Variants in PRSS3 observed in about 807,000 individuals in gnomAD.
The protein encoded by PRSS3 is serine protease 3, also known as trypsin-3.
A neutral mutation model predicts 20.8 loss-of-function variants in PRSS3; 14 were observed. The observed-to-expected ratio is 0.67, with a 90% CI of 0.44 to 1.05. The LOEUF is 1.05. Ranked by LOEUF, PRSS3 falls within the 50% of genes least tolerant of loss-of-function variation. The probability of loss-of-function intolerance (pLI) is 0.00; values close to 1 mark genes in which losing one functional copy is unlikely to be tolerated. For synonymous variants in PRSS3, 91 were observed against 117.6 expected (o/e 0.77, Z 1.46); for missense variants, 237 against 306.4 (o/e 0.77, Z 1.69).
intron 1 of PRSS3, among the ~76,000 whole-genome samples, chr9:33,773,675 A>T (rs1823799360): frequency 6.6e-6 from 1 of 152,256 alleles, no homozygotes; most frequent in South Asian, 2.1e-4. Flanking sequence ...TCTGTCACCC[A>T]GCGGTGGAGT....
intron 1 of PRSS3, among the ~76,000 whole-genome samples, chr9:33,754,724 A>C (rs149742765): frequency 5.1e-4 from 78 of 152,208 alleles, no homozygotes; most frequent in African/African-American, 1.5e-3. Flanking sequence ...CCAGCTACTC[A>C]GGAGGCTGAG....
At chr9:33,778,557 A>C (rs1824040459) in intron 1 of PRSS3, among the ~76,000 whole-genome samples, 1 of 152,208 alleles carries the variant, frequency 6.6e-6, no homozygotes, top group South Asian at 2.1e-4. Flanking sequence ...ACAATTGGAT[A>C]ATTCAATTTT....
intron 1 of PRSS3, among the ~76,000 whole-genome samples, chr9:33,781,097 T>C (rs1258590499): frequency 6.6e-6 from 1 of 152,234 alleles, no homozygotes. Flanking sequence ...GGTGGAAATG[T>C]AAATTAGTTC....
chr9:33,768,434 A>G (rs1823541440), intron 1 of PRSS3, among the ~76,000 whole-genome samples: 1 of 151,162 alleles, frequency 6.6e-6, no homozygotes, highest in Admixed American at 6.6e-5. Flanking sequence ...GAGCTGAGAT[A>G]GCACCACCGC....
At chr9:33,776,397 C>T (rs569563342) in intron 1 of PRSS3, among the ~76,000 whole-genome samples, 1 of 152,086 alleles carries the variant, frequency 6.6e-6, no homozygotes, top group African/African-American at 2.4e-5. Flanking sequence ...TTAAAAAAAG[C>T]TCAACCAACA....
At chr9:33,753,004 G>A (rs745770161) in intron 1 of PRSS3, among the ~76,000 whole-genome samples, 3 of 152,196 alleles carry the variant, frequency 2.0e-5, no homozygotes, top group Non-Finnish European at 2.9e-5. Context: ...ATTAGAATCC[G>A]TATTTCAAAA....
chr9:33,786,705 CAT>C, intron 1 of PRSS3: 3 of 766,254 alleles, frequency 3.9e-6, no homozygotes, highest in Non-Finnish European at 4.8e-6. Flanking sequence ...TCTGAGGCCA[CAT>C]ATGAGAGCAG....
intron 1 of PRSS3, among the ~76,000 whole-genome samples, chr9:33,751,209 G>C (rs1033044724): frequency 2.0e-5 from 3 of 152,216 alleles, no homozygotes; most frequent in Admixed American, 2.0e-4. Flanking sequence ...AGCTCACATA[G>C]CTCTGGGCAC....
At chr9:33,765,038 C>T (rs1240207607) in intron 1 of PRSS3, among the ~76,000 whole-genome samples, 2 of 152,170 alleles carry the variant, frequency 1.3e-5, no homozygotes, top group Admixed American at 1.3e-4. Flanking sequence ...TAATACATTG[C>T]TGGTGGGATT....
upstream of PRSS3, among the ~76,000 whole-genome samples, chr9:33,792,354 G>T (rs1196566069): frequency 2.0e-5 from 3 of 152,056 alleles, no homozygotes; most frequent in African/African-American, 4.8e-5. Flanking sequence ...AAAAGAATTT[G>T]GAATCTGACA....
At chr9:33,772,200 A>G (rs1403996080) in intron 1 of PRSS3, among the ~76,000 whole-genome samples, 1 of 152,146 alleles carries the variant, frequency 6.6e-6, no homozygotes, top group Non-Finnish European at 1.5e-5. Flanking sequence ...GGAGAAGAAC[A>G]TGCTCTAAGA....
rs565351864 is a variant in PRSS3, at chr9:33,790,278, C to T, written c.-52-4468C>T. ...GTAGTTTTAGAATTTATTCCCTTAA[C>T]CCAACAATATTTCATGAATATCATT... On this transcript the variant is annotated intron_variant, in intron 1 of 5. Transcript: ENST00000342836. 2.6e-4 allele frequency among the ~76,000 whole-genome samples: 39 copies of T among 152,202 alleles called. No homozygotes were observed. In the South Asian group the frequency reaches 7.9e-3, roughly 31 times the overall value.
intron 3 of PRSS3, 50 bp downstream of exon 3, chr9:33,798,132 A>C: frequency 6.2e-7 from 1 of 1,613,784 alleles, no homozygotes; most frequent in Non-Finnish European, 8.5e-7. Context: ...CACAATTTCC[A>C]GAACGAAGCA....
chr9:33,750,828 A>C lies in PRSS3; in HGVS notation c.-53+101A>C. ...GGGCTGTGATGGAGAGGGGGTTCCG[A>C]CTCGCATGGGACCTGCGGGGGAGGG... is the stretch of plus-strand genomic sequence containing the variant. On this transcript the variant is annotated intron_variant, in intron 1 of 5. Transcript: ENST00000342836. This position sits in a 1 kb window ranked among gnomAD's most constrained non-coding sequence, Gnocchi z 4.8. 7.3e-7 allele frequency: 1 copy of C among 1,370,310 alleles called. No individual in the cohort carries two copies. Among genetic ancestry groups the C allele is most frequent in the Non-Finnish European group, 9.4e-7 (1 of 1,066,854 alleles). The allele number at this position is 1,370,310 out of a possible 1,614,324, so 84.9% of individuals were successfully genotyped here. A position where few individuals can be genotyped will look rare whatever the true frequency, so the allele number is the denominator to read the frequency against.
intron 1 of PRSS3, among the ~76,000 whole-genome samples, chr9:33,787,229 G>A (rs1824448767): frequency 6.6e-6 from 1 of 152,068 alleles, no homozygotes; most frequent in Non-Finnish European, 1.5e-5. Context: ...AATATATTTT[G>A]GAAGAACTTT....
rs185196342 is a variant in PRSS3 at position 33,765,144 on chromosome 9, C to G, written c.-53+14417C>G. On this transcript the variant is annotated intron_variant, in intron 1 of 5. Transcript: ENST00000342836. Reference sequence around the variant, plus strand: ...ACCAAGTATTCCACTCCTAGGTATACAGTCATCACCCTTTATCTGCAGGGG... The same window carrying G: ...ACCAAGTATTCCACTCCTAGGTATAGAGTCATCACCCTTTATCTGCAGGGG... 4.1e-3 allele frequency among the ~76,000 whole-genome samples: 629 copies of G among 152,330 alleles called. 1 individual carries two copies. Among genetic ancestry groups the G allele is most frequent in the Non-Finnish European group, 6.1e-3 (418 of 68,040 alleles).
chr9:33,762,662 C>G (rs1411721447), intron 1 of PRSS3, among the ~76,000 whole-genome samples: 1 of 152,156 alleles, frequency 6.6e-6, no homozygotes, highest in Non-Finnish European at 1.5e-5. Flanking sequence ...ACCCTATAAC[C>G]TACTTCCTTA....
upstream of PRSS3, among the ~76,000 whole-genome samples, chr9:33,792,255 A>C (rs1449196242): frequency 2.0e-5 from 3 of 152,180 alleles, no homozygotes; most frequent in Non-Finnish European, 4.4e-5. Flanking sequence ...TGTTTGCAGA[A>C]TGATAAAGGA....
chr9:33,768,676 GTGAA>G (rs1294736762), intron 1 of PRSS3, among the ~76,000 whole-genome samples: 1 of 151,856 alleles, frequency 6.6e-6, no homozygotes, highest in Non-Finnish European at 1.5e-5. Flanking sequence ...GGCCAACATG[GTGAA>G]ACCCCATCTC....
Sources: gnomAD v4.1 joint callset for allele counts (sites outside exome capture counted in the v4.1 genomes callset) on GRCh38, gnomAD v4.1.1 for gene constraint, Gnocchi (gnomAD v3.1) non-coding constraint, MANE v1.5 for transcripts, NCBI Gene and HGNC (gene_info 2026-07-23, HGNC 2026-07-21) for gene names.